Variants in PPARGC1A observed in about 807,000 individuals in gnomAD.
The protein encoded by PPARGC1A is PPARG coactivator 1 alpha, also known as peroxisome proliferator-activated receptor gamma coactivator 1-alpha.
Under a neutral mutation model 88.7 loss-of-function variants are expected in PPARGC1A, and 25 were observed. The ratio of observed to expected loss-of-function variants is 0.28; its 90% CI spans 0.21 to 0.39. The LOEUF (loss-of-function observed/expected upper bound fraction) is 0.39, where lower values mean the gene tolerates loss of function less well. Among genes scored for constraint, PPARGC1A ranks in the 10% least tolerant of loss-of-function variants. PPARGC1A has a pLI of 1.00. For missense variants in PPARGC1A, 880 were observed against 968.7 expected (o/e 0.91, Z 1.22); for synonymous variants, 363 against 355.6 (o/e 1.02, Z -0.24).
At chr4:24,230,899 G>T in the PPARGC1A span, among the ~76,000 whole-genome samples, 852 of 151,044 alleles carry the variant, frequency 5.6e-3, 9 homozygotes, top group South Asian at 0.029. Context: ...GACTAAGGGG[G>T]CTGTACCTCT....
chr4:24,038,120 G>A, the PPARGC1A span, among the ~76,000 whole-genome samples: 1 of 152,154 alleles, frequency 6.6e-6, no homozygotes, highest in African/African-American at 2.4e-5. Flanking sequence ...AACTTCCCTT[G>A]TGCAGTAAAC....
At chr4:23,943,152 T>C in the PPARGC1A span, among the ~76,000 whole-genome samples, 1 of 152,138 alleles carries the variant, frequency 6.6e-6, no homozygotes, top group Non-Finnish European at 1.5e-5. Flanking sequence ...GTTTGTTTCA[T>C]TGTAAAATAA....
At chr4:23,966,994 T>C in the PPARGC1A span, among the ~76,000 whole-genome samples, 1 of 152,208 alleles carries the variant, frequency 6.6e-6, no homozygotes, top group Admixed American at 6.5e-5. Flanking sequence ...TGTCCCTGCC[T>C]ACCTCTCAGC....
chr4:24,038,932 C>T, the PPARGC1A span, among the ~76,000 whole-genome samples: 74,177 of 151,958 alleles, frequency 0.49, 19,193 homozygotes, highest in Non-Finnish European at 0.59. Context: ...CTTCACCTCA[C>T]GTCACCACAG....
the PPARGC1A span, among the ~76,000 whole-genome samples, chr4:24,291,235 C>T: frequency 2.0e-5 from 3 of 152,198 alleles, no homozygotes; most frequent in Non-Finnish European, 4.4e-5. Flanking sequence ...ACCTCTGGGC[C>T]TGACAAAACT....
At chr4:23,946,956 G>C in the PPARGC1A span, among the ~76,000 whole-genome samples, 1 of 152,018 alleles carries the variant, frequency 6.6e-6, no homozygotes, top group Non-Finnish European at 1.5e-5. Context: ...AACCCACAGA[G>C]CCCAATCATG....
chr4:24,104,760 G>T, the PPARGC1A span, among the ~76,000 whole-genome samples: 2 of 152,132 alleles, frequency 1.3e-5, no homozygotes, highest in Non-Finnish European at 2.9e-5. Context: ...TTGGTGCAAC[G>T]CCTCTCCCCA....
the PPARGC1A span, among the ~76,000 whole-genome samples, chr4:24,445,727 A>G: frequency 6.6e-6 from 1 of 152,132 alleles, no homozygotes; most frequent in African/African-American, 2.4e-5. Context: ...GGATGCCTTC[A>G]TTTGCCAAAT....
chr4:23,829,129 G>A (rs778877953), intron 4 of PPARGC1A, among the ~76,000 whole-genome samples: 21 of 152,174 alleles, frequency 1.4e-4, no homozygotes, highest in Admixed American at 9.8e-4. Context: ...TAGCAAAACA[G>A]CAATTCTGCA....
chr4:23,953,528 A>C, the PPARGC1A span, among the ~76,000 whole-genome samples: 9,127 of 152,176 alleles, frequency 0.06, 377 homozygotes, highest in Middle Eastern at 0.13. Context: ...TTTTGTCTTT[A>C]CTGTAATATT....
the PPARGC1A span, among the ~76,000 whole-genome samples, chr4:23,971,816 T>A: frequency 1.3e-5 from 2 of 152,180 alleles, no homozygotes; most frequent in Non-Finnish European, 2.9e-5. Context: ...ACACTCGGTA[T>A]TAACCATCAC....
At chr4:24,370,946 A>G in the PPARGC1A span, among the ~76,000 whole-genome samples, 1 of 151,362 alleles carries the variant, frequency 6.6e-6, no homozygotes, top group Non-Finnish European at 1.5e-5. Context: ...CTCACTCCCG[A>G]AAGTCCCTGG....
the PPARGC1A span, among the ~76,000 whole-genome samples, chr4:23,953,940 C>T: frequency 6.6e-6 from 1 of 151,868 alleles, no homozygotes; most frequent in Non-Finnish European, 1.5e-5. Flanking sequence ...TTCATAAGAC[C>T]GTACTGTCTA....
chr4:24,128,531 A>AGTGTGTGT, the PPARGC1A span, among the ~76,000 whole-genome samples: 2,287 of 138,220 alleles, frequency 0.017, 30 homozygotes, highest in East Asian at 0.049. Flanking sequence ...AGCCTGTCAC[A>AGTGTGTGT]GTGTGTGTGT....
the PPARGC1A span, among the ~76,000 whole-genome samples, chr4:24,214,843 C>G: frequency 6.6e-6 from 1 of 152,066 alleles, no homozygotes; most frequent in Non-Finnish European, 1.5e-5. Context: ...AAGTAATGCC[C>G]GAGACCAAAA....
the PPARGC1A span, among the ~76,000 whole-genome samples, chr4:24,420,851 C>A: frequency 6.6e-6 from 1 of 152,146 alleles, no homozygotes; most frequent in African/African-American, 2.4e-5. Flanking sequence ...TTACTGCTCA[C>A]AATTCTGGAG....
the PPARGC1A span, among the ~76,000 whole-genome samples, chr4:23,921,655 T>C: frequency 6.6e-6 from 1 of 152,218 alleles, no homozygotes; most frequent in Non-Finnish European, 1.5e-5. Context: ...GCACTTTGTG[T>C]GTGGCTCTCC....
chr4:24,386,933 G>C, the PPARGC1A span, among the ~76,000 whole-genome samples: 4 of 152,274 alleles, frequency 2.6e-5, no homozygotes, highest in Non-Finnish European at 4.4e-5. Flanking sequence ...GTATAGCAAA[G>C]ACAATCCTAA....
chr4:23,812,913 T>C, intron 9 of PPARGC1A, 46 bp from the exon 10 acceptor site: 1 of 1,613,640 alleles, frequency 6.2e-7, no homozygotes. Flanking sequence ...TCAATTTTCA[T>C]GAGCAAAATG....
Sources: gnomAD v4.1 joint callset for allele counts (sites outside exome capture counted in the v4.1 genomes callset) on GRCh38, gnomAD v4.1.1 for gene constraint, MANE v1.5 for transcripts, NCBI Gene and HGNC (gene_info 2026-07-23, HGNC 2026-07-21) for gene names.